SMAP2: variants seen among roughly 807,000 people sequenced by gnomAD.
The protein encoded by SMAP2 is small ArfGAP2, also known as stromal membrane-associated protein 2.
Under a neutral mutation model 56.4 loss-of-function variants are expected in SMAP2, and 25 were observed. The ratio of observed to expected loss-of-function variants is 0.44; its 90% CI spans 0.32 to 0.62. The LOEUF (loss-of-function observed/expected upper bound fraction) is 0.62, where lower values mean the gene tolerates loss of function less well. SMAP2 is among the 20% of genes least tolerant of loss of function. The pLI is 0.04. For missense variants in SMAP2, 388 were observed against 545.6 expected (o/e 0.71, Z 2.88); for synonymous variants, 157 against 181.7 (o/e 0.86, Z 1.09).
intron 4 of SMAP2, among the ~76,000 whole-genome samples, chr1:40,411,991 CAT>C (rs1644940492): frequency 6.6e-6 from 1 of 152,178 alleles, no homozygotes; most frequent in African/African-American, 2.4e-5. Flanking sequence ...TTCCACTTAA[CAT>C]ATATTTCTGT....
chr1:40,399,993 AAAAG>A (rs1048236695), intron 1 of SMAP2, among the ~76,000 whole-genome samples: 12 of 152,242 alleles, frequency 7.9e-5, no homozygotes, highest in Non-Finnish European at 1.5e-4. Context: ...GGTAAAAACC[AAAAG>A]AAAGGGTAGA....
chr1:40,394,200 A>G (rs1042984585), intron 1 of SMAP2, among the ~76,000 whole-genome samples: 2 of 152,038 alleles, frequency 1.3e-5, no homozygotes, highest in Non-Finnish European at 2.9e-5. Context: ...ACCATCTACC[A>G]TTTCCCTCAG....
intron 5 of SMAP2, among the ~76,000 whole-genome samples, chr1:40,413,355 G>C (rs921113263): frequency 6.6e-6 from 1 of 152,216 alleles, no homozygotes; most frequent in Non-Finnish European, 1.5e-5. Context: ...ATCTAAGCAA[G>C]AGGCACATTC....
In SMAP2 at chr1:40,416,879, C is replaced by T; in HGVS notation, c.947C>T (p.Pro316Leu). The change falls in exon 9 of 10, where the codon CCA (proline) becomes CTA (leucine). Residue 316 changes from proline to leucine, a missense_variant. Transcript: ENST00000372718. The part of the protein sequence containing the change: ...PNSIMGSMMP[P>L]PVGMVAQPGA... Reference sequence around the variant, plus strand: ...AGCATAATGGGGAGCATGATGCCTCCACCAGTAGGCATGGTTGCTCAGCCA... The same window carrying T: ...AGCATAATGGGGAGCATGATGCCTCTACCAGTAGGCATGGTTGCTCAGCCA... 1.2e-6 allele frequency: 2 copies of T among 1,614,208 alleles called. No individual in the cohort carries two copies. The highest frequency in any genetic ancestry group is 2.7e-5 in the African/African-American group (2 of 75,060).
chr1:40,383,900 T>A (rs75140496), intron 1 of SMAP2, among the ~76,000 whole-genome samples: 3 of 152,150 alleles, frequency 2.0e-5, no homozygotes, highest in Non-Finnish European at 4.4e-5. Flanking sequence ...CTTTTTTTTT[T>A]CTTTCGTTTT....
intron 4 of SMAP2, among the ~76,000 whole-genome samples, chr1:40,410,095 T>C (rs35445242): frequency 0.011 from 1,600 of 151,742 alleles, 21 homozygotes; most frequent in Non-Finnish European, 0.017. Flanking sequence ...ATTTAAAAAT[T>C]AGCCAGGCAT....
At chr1:40,358,598 C>T (rs967109009) in intron 1 of SMAP2, among the ~76,000 whole-genome samples, 16 of 152,240 alleles carry the variant, frequency 1.1e-4, no homozygotes, top group Admixed American at 9.8e-4. Context: ...AGGCATGAGC[C>T]ACTGCACCTG....
chr1:40,380,320 C>T (rs209581), intron 1 of SMAP2, among the ~76,000 whole-genome samples: 54,848 of 151,834 alleles, frequency 0.36, 10,464 homozygotes, highest in Non-Finnish European at 0.43. Flanking sequence ...GGATGTTTCC[C>T]GATTTCAAAC....
At chr1:40,382,671 C>T (rs1644610176) in intron 1 of SMAP2, among the ~76,000 whole-genome samples, 1 of 152,212 alleles carries the variant, frequency 6.6e-6, no homozygotes, top group South Asian at 2.1e-4. Context: ...AGTTAATCCA[C>T]TTTTACCAAA....
intron 2 of SMAP2, among the ~76,000 whole-genome samples, chr1:40,365,404 A>G (rs1211168578): frequency 6.6e-6 from 1 of 152,256 alleles, no homozygotes; most frequent in Non-Finnish European, 1.5e-5. Flanking sequence ...GAAGCTGAGT[A>G]TGAAATGTGG....
Position 40,385,941 on chromosome 1 carries a change from T to C in SMAP2, c.103+11718T>C, listed in dbSNP as rs917017519. 7.2e-5 allele frequency among the ~76,000 whole-genome samples: 11 copies of C among 152,220 alleles called. No individual in the cohort carries two copies. The highest frequency in any genetic ancestry group is 2.4e-4 in the African/African-American group (10 of 41,464). On this transcript the variant is annotated intron_variant, in intron 1 of 9. Coordinates refer to ENST00000372718, the MANE Select transcript of SMAP2 (RefSeq NM_022733.3). The surrounding 1 kb of genome is among the most constrained non-coding windows in gnomAD (Gnocchi z 4.5). ...GAGTTAAGGAAGTTTTGTCTTGATATTGTTTAGGTGGTTGTTTTTGTTCTG... is the reference window on the plus strand; with the variant it reads ...GAGTTAAGGAAGTTTTGTCTTGATACTGTTTAGGTGGTTGTTTTTGTTCTG...
At chr1:40,390,544 C>G (rs1431610171) in intron 1 of SMAP2, among the ~76,000 whole-genome samples, 6 of 152,232 alleles carry the variant, frequency 3.9e-5, no homozygotes, top group African/African-American at 1.4e-4. Context: ...TTCTGGGCTT[C>G]TTTTTGAGGA....
intron 1 of SMAP2, among the ~76,000 whole-genome samples, chr1:40,391,579 G>T (rs1356775220): frequency 6.6e-6 from 1 of 152,158 alleles, no homozygotes; most frequent in Non-Finnish European, 1.5e-5. Flanking sequence ...TGTGCATCCA[G>T]AATCTAGTAT....
intron 1 of SMAP2, among the ~76,000 whole-genome samples, chr1:40,348,117 C>T (rs1311536510): frequency 1.3e-5 from 2 of 151,426 alleles, no homozygotes; most frequent in Non-Finnish European, 2.9e-5. Context: ...GGCAACATAG[C>T]GTGACCTCAT....
At chr1:40,387,439 C>T (rs1644668104) in intron 1 of SMAP2, among the ~76,000 whole-genome samples, 1 of 152,022 alleles carries the variant, frequency 6.6e-6, no homozygotes, top group South Asian at 2.1e-4. Context: ...TCAAGTGGGC[C>T]CTCTAATTTA....
intron 2 of SMAP2, among the ~76,000 whole-genome samples, chr1:40,407,277 G>A (rs796100433): frequency 1.6e-4 from 24 of 152,194 alleles, no homozygotes; most frequent in African/African-American, 5.5e-4. Context: ...TTGAGTCTAG[G>A]AGTTCAAGAC....
At chr1:40,365,491 C>T (rs1420081623) in intron 2 of SMAP2, among the ~76,000 whole-genome samples, 1 of 152,180 alleles carries the variant, frequency 6.6e-6, no homozygotes. Context: ...TCAGTGGCCA[C>T]TGGGACAGAT....
At chr1:40,412,859 A>G (rs529105865) in intron 4 of SMAP2, among the ~76,000 whole-genome samples, 157 bp from the exon 5 acceptor site, 1 of 152,272 alleles carries the variant, frequency 6.6e-6, no homozygotes, top group South Asian at 2.1e-4. Flanking sequence ...GTCAACTCTC[A>G]TGCTCCACAC....
At chr1:40,365,212 C>G (rs1267426903) in intron 2 of SMAP2, 2 of 153,410 alleles carry the variant, frequency 1.3e-5, no homozygotes, top group African/African-American at 4.8e-5. Flanking sequence ...TGCCTGTAAC[C>G]TCAGCACTTT....
Sources: gnomAD v4.1 joint callset for allele counts (sites outside exome capture counted in the v4.1 genomes callset) on GRCh38, gnomAD v4.1.1 for gene constraint, Gnocchi (gnomAD v3.1) non-coding constraint, MANE v1.5 for transcripts, NCBI Gene and HGNC (gene_info 2026-07-23, HGNC 2026-07-21) for gene names.